The following CNTNAP2 variants were observed in gnomAD, a reference collection of about 807,000 sequenced individuals.
CNTNAP2 encodes contactin associated protein 2, also known as contactin-associated protein-like 2.
In CNTNAP2, 98 loss-of-function variants were observed where a neutral mutation model predicts 155.2. The observed-to-expected ratio is 0.63, with a 90% CI of 0.54 to 0.75. The LOEUF (loss-of-function observed/expected upper bound fraction) is 0.75. Among genes scored for constraint, CNTNAP2 ranks in the 30% least tolerant of loss-of-function variants. The pLI, the probability that CNTNAP2 is intolerant of heterozygous loss-of-function variation, is 0.00. For synonymous variants in CNTNAP2, 651 were observed against 631.2 expected, an observed-to-expected ratio of 1.03 and a Z score of -0.47; for missense variants, 1,727 against 1,688.1, an observed-to-expected ratio of 1.02 and a Z score of -0.40.
chr7:148,141,743 G>A (rs73168599), intron 16 of CNTNAP2, among the ~76,000 whole-genome samples: 9,903 of 152,284 alleles, frequency 0.065, 429 homozygotes, highest in East Asian at 0.24. Context: ...GGACAGCTGA[G>A]AGCGAAGTTT....
At chr7:146,863,329 T>C (rs763837324) in intron 3 of CNTNAP2, among the ~76,000 whole-genome samples, 2 of 152,158 alleles carry the variant, frequency 1.3e-5, no homozygotes, top group Non-Finnish European at 2.9e-5. Flanking sequence ...TTTATAAGCC[T>C]TATCTGCTTC....
At chr7:147,406,881 G>C (rs1797013341) in intron 10 of CNTNAP2, among the ~76,000 whole-genome samples, 2 of 152,186 alleles carry the variant, frequency 1.3e-5, no homozygotes, top group Non-Finnish European at 2.9e-5. Flanking sequence ...ATTGTGATCA[G>C]GGTAAAACCA....
At chr7:146,967,712 G>GA (rs1797685335) in intron 3 of CNTNAP2, among the ~76,000 whole-genome samples, 1 of 152,180 alleles carries the variant, frequency 6.6e-6, no homozygotes, top group Non-Finnish European at 1.5e-5. Flanking sequence ...ATTTTAGGCT[G>GA]AGACAATGGG....
intron 8 of CNTNAP2, among the ~76,000 whole-genome samples, chr7:147,192,293 TC>T (rs1165912873): frequency 1.3e-5 from 2 of 150,940 alleles, no homozygotes; most frequent in Non-Finnish European, 1.5e-5. Context: ...TCCTCCAGCC[TC>T]CCATGAAGAA....
rs10225836 is a variant in CNTNAP2, at chr7:147,653,677, C to T, written c.2098+14371C>T. 3.2e-3 allele frequency among the ~76,000 whole-genome samples: 485 copies of T among 152,162 alleles called. 5 individuals carry two copies. The highest frequency in any genetic ancestry group is 0.01 in the African/African-American group (435 of 41,528). ...ATAAGCAGAGGGGAGGGAGGTCCTG[C>T]GCAGGAAGGCAAGGCCCTGGTGGAC... On this transcript the variant is annotated intron_variant, in intron 13 of 23. Coordinates refer to ENST00000361727, the MANE Select transcript of CNTNAP2 (RefSeq NM_014141.6).
chr7:148,225,147 CT>C (rs983429504), intron 19 of CNTNAP2, among the ~76,000 whole-genome samples: 1 of 152,166 alleles, frequency 6.6e-6, no homozygotes, highest in Admixed American at 6.5e-5. Flanking sequence ...AAAATTCTTG[CT>C]CTCATGGAGC....
intron 15 of CNTNAP2, among the ~76,000 whole-genome samples, chr7:148,046,106 G>T (rs2116486584): frequency 6.6e-6 from 1 of 151,990 alleles, no homozygotes; most frequent in Middle Eastern, 3.4e-3. Flanking sequence ...TTTGAGGCAG[G>T]GTCTCACTCT....
At chr7:146,633,329 G>GT (rs1231006511) in intron 1 of CNTNAP2, among the ~76,000 whole-genome samples, 1 of 152,122 alleles carries the variant, frequency 6.6e-6, no homozygotes, top group African/African-American at 2.4e-5. Context: ...TTTAACTGGG[G>GT]TTACTCATTT....
chr7:147,161,330 G>T (rs931873084), intron 8 of CNTNAP2, among the ~76,000 whole-genome samples: 3 of 152,114 alleles, frequency 2.0e-5, no homozygotes, highest in Non-Finnish European at 2.9e-5. Flanking sequence ...CTGTGAGGCT[G>T]TTTTATATCC....
chr7:147,679,478 A>C (rs1795916248), intron 13 of CNTNAP2, among the ~76,000 whole-genome samples: 1 of 151,876 alleles, frequency 6.6e-6, no homozygotes, highest in Non-Finnish European at 1.5e-5. Context: ...TTAAAAGGAG[A>C]CTCAGAGAAA....
intron 13 of CNTNAP2, among the ~76,000 whole-genome samples, chr7:147,715,283 T>C (rs940920489): frequency 6.6e-6 from 1 of 152,116 alleles, no homozygotes; most frequent in African/African-American, 2.4e-5. Context: ...GACTGTACTA[T>C]TTTAGATTCC....
chr7:147,423,344 A>C (rs1331587751), intron 10 of CNTNAP2, among the ~76,000 whole-genome samples: 1 of 152,200 alleles, frequency 6.6e-6, no homozygotes, highest in South Asian at 2.1e-4. Flanking sequence ...GCCATGCAGT[A>C]ATTTATATGC....
intron 1 of CNTNAP2, among the ~76,000 whole-genome samples, chr7:146,248,655 A>T (rs1379836600): frequency 2.0e-5 from 3 of 152,176 alleles, no homozygotes; most frequent in Non-Finnish European, 4.4e-5. Flanking sequence ...GAGAGTAAAA[A>T]GGGGCTGCTT....
chr7:147,727,807 C>A (rs1796669445), intron 13 of CNTNAP2, among the ~76,000 whole-genome samples: 1 of 146,070 alleles, frequency 6.8e-6, no homozygotes, highest in Admixed American at 7.0e-5. Context: ...CCAAATAAAT[C>A]AACATTATTT....
At chr7:146,416,715 T>C (rs915204142) in intron 1 of CNTNAP2, among the ~76,000 whole-genome samples, 4 of 152,184 alleles carry the variant, frequency 2.6e-5, no homozygotes, top group Admixed American at 2.6e-4. Flanking sequence ...TGTGGTTAAC[T>C]CTGCTTATCA....
At chr7:146,543,847 G>A (rs1378750586) in intron 1 of CNTNAP2, among the ~76,000 whole-genome samples, 3 of 151,810 alleles carry the variant, frequency 2.0e-5, no homozygotes, top group East Asian at 1.9e-4. Flanking sequence ...CAAACTTCCA[G>A]ACTGGTCTCT....
At chr7:146,867,073 A>G (rs1795218240) in intron 3 of CNTNAP2, among the ~76,000 whole-genome samples, 1 of 152,050 alleles carries the variant, frequency 6.6e-6, no homozygotes, top group Non-Finnish European at 1.5e-5. Context: ...ACATAGGTAA[A>G]CACGTGTCAC....
At chr7:146,581,400 A>C (rs1329268946) in intron 1 of CNTNAP2, among the ~76,000 whole-genome samples, 1 of 152,154 alleles carries the variant, frequency 6.6e-6, no homozygotes, top group Non-Finnish European at 1.5e-5. Context: ...CAATGAAATA[A>C]AATGATAAAT....
At chr7:146,337,774 T>C (rs1284950361) in intron 1 of CNTNAP2, among the ~76,000 whole-genome samples, 1 of 152,126 alleles carries the variant, frequency 6.6e-6, no homozygotes, top group Admixed American at 6.5e-5. Flanking sequence ...ACCCAGCCTA[T>C]GATTATGATT....
Sources: allele counts gnomAD v4.1 joint callset (sites outside exome capture counted in the v4.1 genomes callset), GRCh38; gene constraint gnomAD v4.1.1; transcripts MANE v1.5; gene names NCBI Gene and HGNC (gene_info 2026-07-23, HGNC 2026-07-21).